The following STAT1 variants were observed in gnomAD, a reference collection of about 807,000 sequenced individuals.
STAT1 encodes signal transducer and activator of transcription 1-alpha/beta.
Under a neutral mutation model 111.7 loss-of-function variants are expected in STAT1, and 24 were observed. The ratio of observed to expected loss-of-function variants is 0.21; its 90% CI spans 0.16 to 0.30. The LOEUF is 0.30. STAT1 is among the 10% of genes least tolerant of loss of function. STAT1 has a pLI of 1.00. For missense variants in STAT1, 351 were observed against 911.9 expected (o/e 0.38, Z 7.92); for synonymous variants, 332 against 326.5 (o/e 1.02, Z -0.18).
rs1029197409 is a variant in STAT1 at position 190,975,715 on chromosome 2, A to G, written c.2135+97T>C. The G allele has an allele frequency of 6.4e-7, 1 of 1,572,520 alleles. No individual in the cohort carries two copies. Among genetic ancestry groups the G allele is most frequent in the Admixed American group, 1.8e-5 (1 of 54,214 alleles). ...CAGCTGTGATGGCGATAGCAATTAC[A>G]ATGGAAAAGTAAAATACAAGCATCT... is the stretch of plus-strand genomic sequence containing the variant. On this transcript the variant is annotated intron_variant, in intron 23 of 24. Transcript: ENST00000361099. The surrounding 1 kb of genome is among the most constrained non-coding windows in gnomAD (Gnocchi z 5.9).
chr2:190,994,727 C>A (rs1183515515), intron 10 of STAT1, among the ~76,000 whole-genome samples: 2 of 151,650 alleles, frequency 1.3e-5, no homozygotes, highest in Non-Finnish European at 2.9e-5. Flanking sequence ...TGGAGACCAG[C>A]CTGGCCAACA....
intron 12 of STAT1, among the ~76,000 whole-genome samples, chr2:190,988,936 A>C (rs547283455): frequency 6.6e-6 from 1 of 152,194 alleles, no homozygotes; most frequent in Admixed American, 6.5e-5. Context: ...TTGTTCCTTA[A>C]TGAGAGTGGC....
Position 190,997,148 on chromosome 2 carries a change from T to C in STAT1, c.785+708A>G, listed in dbSNP as rs896292309. Among the ~76,000 whole-genome samples, 7 of 152,190 alleles carry C rather than the reference T, an allele frequency of 4.6e-5. No homozygotes were observed. Among genetic ancestry groups the C allele is most frequent in the African/African-American group, 1.2e-4 (5 of 41,456 alleles). On this transcript the variant is annotated intron_variant, in intron 9 of 24. Coordinates refer to ENST00000361099, the MANE Select transcript of STAT1 (RefSeq NM_007315.4). This position sits in a 1 kb window ranked among gnomAD's most constrained non-coding sequence, Gnocchi z 7.3. ...AATACAGCCCCTGCAGTCTCCCACA[T>C]GTGTGCCTTTGCACACGCTGTGCTC... is the stretch of plus-strand genomic sequence containing the variant.
In STAT1 at chr2:190,990,014, T is replaced by C. The variant is rs1693193601; in HGVS notation, c.1038-340A>G. Among the ~76,000 whole-genome samples the C allele has an allele frequency of 6.6e-6, 1 of 152,268 alleles. No individual in the cohort carries two copies. Among genetic ancestry groups the C allele is most frequent in the Admixed American group, 6.5e-5 (1 of 15,288 alleles). ...CATCACAATTTCGACCTTTGGCCAATTTATATGGGTAAAATAGCAAACATT... is the reference window on the plus strand; with the variant it reads ...CATCACAATTTCGACCTTTGGCCAACTTATATGGGTAAAATAGCAAACATT... On this transcript the variant is annotated intron_variant, in intron 11 of 24. Coordinates refer to ENST00000361099, the MANE Select transcript of STAT1 (RefSeq NM_007315.4). The surrounding 1 kb of genome is among the most constrained non-coding windows in gnomAD (Gnocchi z 5.1).
rs965520149 is a variant in STAT1 at position 191,014,076 on chromosome 2, C to G, written c.-214G>C. The G allele has an allele frequency of 6.1e-6, 1 of 163,878 alleles. No individual in the cohort carries two copies. Among genetic ancestry groups the G allele is most frequent in the African/African-American group, 2.4e-5 (1 of 42,030 alleles). The allele number at this position is 163,878 out of a possible 1,614,324, so 10.2% of individuals were successfully genotyped here. On this transcript the variant is annotated 5_prime_UTR_variant, in exon 1 of 25. Transcript: ENST00000361099. ...GCGCGGCGGTGCAGCCTCTCCCGAG[C>G]GCGCTGGGTCGCCTCTGCTCGGTCT...
In STAT1 at chr2:190,986,823, G is replaced by A. The variant is rs367594712; in HGVS notation, c.1221+31C>T. On this transcript the variant is annotated intron_variant, in intron 14 of 24. Coordinates refer to ENST00000361099, the MANE Select transcript of STAT1 (RefSeq NM_007315.4). The surrounding 1 kb of genome is among the most constrained non-coding windows in gnomAD (Gnocchi z 5.0). ...TTGTCAAAAGTCCTAAGAAACCAGA[G>A]ACAACATAGAGAGGAAACTGATGTC... 11 of 1,600,824 alleles carry A rather than the reference G, an allele frequency of 6.9e-6. No individual in the cohort carries two copies. The highest frequency in any genetic ancestry group is 9.4e-6 in the Non-Finnish European group (11 of 1,167,942).
chr2:190,981,058 T>G lies in STAT1; in HGVS notation c.1583-389A>C, dbSNP rs1574642893. Among the ~76,000 whole-genome samples the G allele has an allele frequency of 2.8e-5, 3 of 107,202 alleles. No homozygotes were observed. The East Asian group carries it at 1.4e-3, about 51-fold the overall frequency. The allele number at this position is 107,202 out of a possible 152,430, so 70.3% of individuals were successfully genotyped here. A position where few individuals can be genotyped will look rare whatever the true frequency, so the allele number is the denominator to read the frequency against. On this transcript the variant is annotated intron_variant, in intron 18 of 24. Coordinates refer to ENST00000361099, the MANE Select transcript of STAT1 (RefSeq NM_007315.4). This position sits in a 1 kb window ranked among gnomAD's most constrained non-coding sequence, Gnocchi z 4.1. ...TCTAAAGAGAGGACAGTCCTTTTAA[T>G]GCCTCTTCATGTTACACTTCCTTCC... is the stretch of plus-strand genomic sequence containing the variant.
In STAT1 at chr2:190,998,736, A is replaced by G. The variant is rs1482890811; in HGVS notation, c.542-428T>C. Among the ~76,000 whole-genome samples, 1 of 151,644 alleles carries G rather than the reference A, an allele frequency of 6.6e-6. No homozygotes were observed. Among genetic ancestry groups the G allele is most frequent in the Non-Finnish European group, 1.5e-5 (1 of 67,922 alleles). On this transcript the variant is annotated intron_variant, in intron 7 of 24. Transcript: ENST00000361099. This position sits in a 1 kb window ranked among gnomAD's most constrained non-coding sequence, Gnocchi z 4.1. The stretch of plus-strand genomic sequence containing the variant: ...GTGACCCATGTAAATCAGACATAGT[A>G]GTATCTGCCACTTAAGACACTGTCA...
rs1259277741 is a variant in STAT1, at chr2:191,008,943, A to G, written c.273+20T>C. 1.2e-6 allele frequency: 2 copies of G among 1,612,650 alleles called. No homozygotes were observed. The highest frequency in any genetic ancestry group is 2.2e-5 in the East Asian group (1 of 44,850). On this transcript the variant is annotated intron_variant, in intron 4 of 24. Coordinates refer to ENST00000361099, the MANE Select transcript of STAT1 (RefSeq NM_007315.4). ...TAAACATGAGAACATTTCAACTAAA[A>G]TACAAAAACCAGGTCATACCTGAAG... is the stretch of plus-strand genomic sequence containing the variant.
rs1307372127 is a variant in STAT1, at chr2:190,981,019, T to C, written c.1583-350A>G. ...CTGCTCTCTCCCTCCCCAGCCCCCC[T>C]TTTCCCTCCCTCCTCTAAAGAGAGG... On this transcript the variant is annotated intron_variant, in intron 18 of 24. Transcript: ENST00000361099. The surrounding 1 kb of genome is among the most constrained non-coding windows in gnomAD (Gnocchi z 4.1). Among the ~76,000 whole-genome samples the C allele has an allele frequency of 1.3e-5, 2 of 150,846 alleles. No homozygotes were observed. Among genetic ancestry groups the C allele is most frequent in the East Asian group, 3.9e-4 (2 of 5,096 alleles).
Position 190,986,539 on chromosome 2 carries a change from T to G in STAT1, c.1221+315A>C, listed in dbSNP as rs905015256. On this transcript the variant is annotated intron_variant, in intron 14 of 24. Transcript: ENST00000361099. This position sits in a 1 kb window ranked among gnomAD's most constrained non-coding sequence, Gnocchi z 5.0. ...GTCAGGACACGGGAGCCATAACCTT[T>G]GAGAAAACTGCAAGCGTAGGTGAGT... Among the ~76,000 whole-genome samples, 1 of 152,120 alleles carries G rather than the reference T, an allele frequency of 6.6e-6. No individual in the cohort carries two copies. The highest frequency in any genetic ancestry group is 6.5e-5 in the Admixed American group (1 of 15,272).
rs1691326262 is a variant in STAT1 at position 190,969,907 on chromosome 2, G to C, written c.*796C>G. Reference sequence around the variant, plus strand: ...TGGTTGTGAATAGCCTAACTCCCTTGGGAGAACTGTAAAAATAATTGTATG... The same window carrying C: ...TGGTTGTGAATAGCCTAACTCCCTTCGGAGAACTGTAAAAATAATTGTATG... On this transcript the variant is annotated 3_prime_UTR_variant, in exon 25 of 25. Coordinates refer to ENST00000361099, the MANE Select transcript of STAT1 (RefSeq NM_007315.4). 1 of 152,230 alleles carries C rather than the reference G, an allele frequency of 6.6e-6. No homozygotes were observed. The highest frequency in any genetic ancestry group is 2.1e-4 in the South Asian group (1 of 4,828). The allele number at this position is 152,230 out of a possible 1,614,324, so 9.4% of individuals were successfully genotyped here.
rs1438135591 is a variant in STAT1, at chr2:190,973,098, G to A, written c.2238+1732C>T. On this transcript the variant is annotated intron_variant, in intron 24 of 24. Transcript: ENST00000361099. The surrounding 1 kb of genome is among the most constrained non-coding windows in gnomAD (Gnocchi z 4.4). The stretch of plus-strand genomic sequence containing the variant: ...TGATGACAGAGATGGAATGCTGATT[G>A]CCAAATCCCAAACACATACGGGCCT... Among the ~76,000 whole-genome samples, 1 of 152,102 alleles carries A rather than the reference G, an allele frequency of 6.6e-6. No individual in the cohort carries two copies. The highest frequency in any genetic ancestry group is 1.5e-5 in the Non-Finnish European group (1 of 68,024).
In STAT1 at chr2:190,990,643, C is replaced by T. The variant is rs1406303815; in HGVS notation, c.1037+585G>A. Among the ~76,000 whole-genome samples, 1 of 151,978 alleles carries T rather than the reference C, an allele frequency of 6.6e-6. No homozygotes were observed. Among genetic ancestry groups the T allele is most frequent in the African/African-American group, 2.4e-5 (1 of 41,354 alleles). On this transcript the variant is annotated intron_variant, in intron 11 of 24. Transcript: ENST00000361099. This position sits in a 1 kb window ranked among gnomAD's most constrained non-coding sequence, Gnocchi z 5.1. ...GAAATATTTGTGTAGACATGGAATC[C>T]TAATTTTTTAAAAAGGAAACATTAT...
rs1318753811 is a variant in STAT1 at position 191,000,106 on chromosome 2, A to G, written c.463-402T>C. ...TTCCAAGTAAGAAAAGTGACCATACATCCCTGCTTTACCGGGATAGACCTG... is the reference window on the plus strand; with the variant it reads ...TTCCAAGTAAGAAAAGTGACCATACGTCCCTGCTTTACCGGGATAGACCTG... On this transcript the variant is annotated intron_variant, in intron 6 of 24. Transcript: ENST00000361099. This position sits in a 1 kb window ranked among gnomAD's most constrained non-coding sequence, Gnocchi z 4.8. 6.6e-6 allele frequency among the ~76,000 whole-genome samples: 1 copy of G among 152,258 alleles called. No individual in the cohort carries two copies. The highest frequency in any genetic ancestry group is 1.5e-5 in the Non-Finnish European group (1 of 68,046).
chr2:190,992,628 G>A, intron 10 of STAT1: 3 of 1,134,186 alleles, frequency 2.6e-6, no homozygotes, highest in African/African-American at 1.6e-5. Context: ...AGAAAAGGAT[G>A]GAGGCAAATT....
rs1328729536 is a variant in STAT1 at position 190,975,752 on chromosome 2, C to T, written c.2135+60G>A. ...AAATACAAGCATCTTCAACAGGCCC[C>T]AGCCAGGAGCAAGGCTGGCTTGAGG... is the stretch of plus-strand genomic sequence containing the variant. On this transcript the variant is annotated intron_variant, in intron 23 of 24. Coordinates refer to ENST00000361099, the MANE Select transcript of STAT1 (RefSeq NM_007315.4). The surrounding 1 kb of genome is among the most constrained non-coding windows in gnomAD (Gnocchi z 5.9). The T allele has an allele frequency of 3.1e-6, 5 of 1,610,564 alleles. No homozygotes were observed. The highest frequency in any genetic ancestry group is 4.2e-6 in the Non-Finnish European group (5 of 1,178,278).
In STAT1 at chr2:190,993,312, C is replaced by T; in HGVS notation, c.944+1749G>A. On this transcript the variant is annotated intron_variant, in intron 10 of 24. Transcript: ENST00000361099. This position sits in a 1 kb window ranked among gnomAD's most constrained non-coding sequence, Gnocchi z 4.1. ...GTCACATCATACACCACTAGGATGC[C>T]ATTGGCTCCTCTGTAATAACTGGAG... 7.0e-6 allele frequency: 5 copies of T among 709,616 alleles called. 1 individual carries two copies. The South Asian group carries it at 7.4e-5, about 10-fold the overall frequency. 44.0% of individuals were successfully genotyped at this position (709,616 alleles called of 1,614,324 possible). A position where few individuals can be genotyped will look rare whatever the true frequency, so the allele number is the denominator to read the frequency against.
At chr2:190,994,640 G>C (rs1693674488) in intron 10 of STAT1, among the ~76,000 whole-genome samples, 1 of 152,040 alleles carries the variant, frequency 6.6e-6, no homozygotes, top group African/African-American at 2.4e-5. Context: ...AAAATTTGAG[G>C]CCAGGCACAG....
Sources: allele counts gnomAD v4.1 joint callset (sites outside exome capture counted in the v4.1 genomes callset), GRCh38; gene constraint gnomAD v4.1.1; non-coding constraint Gnocchi (gnomAD v3.1); transcripts MANE v1.5; gene names NCBI Gene and HGNC (gene_info 2026-07-23, HGNC 2026-07-21).